The following FAM193B variants were observed in gnomAD, a reference collection of about 807,000 sequenced individuals.
FAM193B encodes protein FAM193B.
A neutral mutation model predicts 70.7 loss-of-function variants in FAM193B; 27 were observed. The observed-to-expected ratio is 0.38, with a 90% CI of 0.28 to 0.53. The LOEUF (loss-of-function observed/expected upper bound fraction) is 0.53. FAM193B is among the 20% of genes least tolerant of loss of function. The pLI, the probability that FAM193B is intolerant of heterozygous loss-of-function variation, is 0.81. For synonymous variants in FAM193B, 448 were observed against 436.0 expected (o/e 1.03, Z -0.34); for missense variants, 1,022 against 1,072.5 (o/e 0.95, Z 0.66).
chr5:177,543,442 T>C (rs2127481775), intron 1 of FAM193B, among the ~76,000 whole-genome samples: 1 of 152,364 alleles, frequency 6.6e-6, no homozygotes, highest in South Asian at 2.1e-4. Context: ...CATTGAAGAC[T>C]AGTTTATCCA....
At chr5:177,535,664 G>T (rs942553424) in intron 4 of FAM193B, among the ~76,000 whole-genome samples, 2 of 152,206 alleles carry the variant, frequency 1.3e-5, no homozygotes, top group Admixed American at 6.5e-5. Flanking sequence ...GAGCTATACA[G>T]TAAGACATTA....
chr5:177,546,515 A>G (rs1765443133), intron 1 of FAM193B, among the ~76,000 whole-genome samples: 1 of 152,250 alleles, frequency 6.6e-6, no homozygotes, highest in Non-Finnish European at 1.5e-5. Flanking sequence ...AAACAGAGCC[A>G]AAACAGTGCA....
At chr5:177,536,314 AGTTCAAGT>A in intron 4 of FAM193B, 36 bp downstream of exon 4, 2 of 1,589,452 alleles carry the variant, frequency 1.3e-6, no homozygotes, top group Non-Finnish European at 1.7e-6. Context: ...CAAAATTCTA[AGTTCAAGT>A]GGGTAGCGAG....
chr5:177,554,105 G>C, intron 1 of FAM193B, 144 bp downstream of exon 1: 1 of 1,399,210 alleles, frequency 7.1e-7, no homozygotes, highest in South Asian at 1.4e-5. Context: ...CGCCCCGGGG[G>C]AGAAAGCTTC....
chr5:177,552,921 TA>T lies in FAM193B; in HGVS notation c.210+1327del, dbSNP rs1173368455. 2.0e-5 allele frequency among the ~76,000 whole-genome samples: 3 copies of T among 152,356 alleles called. No individual in the cohort carries two copies. The South Asian group carries it at 6.2e-4, about 32-fold the overall frequency. On this transcript the variant is annotated intron_variant, in intron 1 of 8. Transcript: ENST00000514747. Reference sequence around the variant, plus strand: ...TCTCTCTCATTCACCTAGTTATTTTTATTCTGTGTTAGCAAGGCCCTGGGCG... The same window carrying T: ...TCTCTCTCATTCACCTAGTTATTTTTTTCTGTGTTAGCAAGGCCCTGGGCG...
At chr5:177,539,189 G>A in intron 1 of FAM193B, 42 bp from the exon 2 acceptor site, 1 of 1,502,182 alleles carries the variant, frequency 6.7e-7, no homozygotes, top group Non-Finnish European at 8.9e-7. Context: ...GAGGGGAAAG[G>A]CTCTCCTTCA....
chr5:177,521,767 C>A (rs957718654), intron 8 of FAM193B, among the ~76,000 whole-genome samples: 1 of 152,212 alleles, frequency 6.6e-6, no homozygotes, highest in Admixed American at 6.5e-5. Flanking sequence ...CAGAGGCCTA[C>A]AGGTGAGTGG....
chr5:177,554,259 G>A lies in FAM193B; in HGVS notation c.200C>T (p.Pro67Leu), dbSNP rs1419713985. The stretch of plus-strand genomic sequence containing the variant: ...CCCGCTCGCTCCTACCTGCGGGCCG[G>A]GCACCAGGTTGGGTTCGTCATCCTC... ...PREDDEPNLV[P>L]GPQVPPASSQ... The change falls in exon 1 of 9, where the codon CCC becomes CTC. Residue 67 changes from proline to leucine, a missense_variant. Coordinates refer to ENST00000514747, the MANE Select transcript of FAM193B (RefSeq NM_001190946.3). 1 of 1,479,974 alleles carries A rather than the reference G, an allele frequency of 6.8e-7. No individual in the cohort carries two copies. Among genetic ancestry groups the A allele is most frequent in the South Asian group, 1.3e-5 (1 of 78,610 alleles). 91.7% of individuals were successfully genotyped at this position (1,479,974 alleles called of 1,614,324 possible).
chr5:177,523,479 T>C (rs1762092490), intron 7 of FAM193B, among the ~76,000 whole-genome samples: 1 of 152,220 alleles, frequency 6.6e-6, no homozygotes, highest in Admixed American at 6.5e-5. Flanking sequence ...TTTCATCTTA[T>C]CTGGCCAACT....
chr5:177,526,728 G>C (rs998786212), intron 5 of FAM193B, among the ~76,000 whole-genome samples: 3 of 152,146 alleles, frequency 2.0e-5, no homozygotes, highest in African/African-American at 7.2e-5. Context: ...GAGAAACCTC[G>C]ACTTTGGAAA....
intron 4 of FAM193B, among the ~76,000 whole-genome samples, chr5:177,535,742 TTAC>T (rs1266564753): frequency 3.3e-5 from 5 of 152,184 alleles, no homozygotes; most frequent in Non-Finnish European, 7.3e-5. Context: ...TGTTAAAAAA[TTAC>T]TACTACACGA....
chr5:177,528,271 G>A (rs1456810274), intron 5 of FAM193B, among the ~76,000 whole-genome samples: 1 of 152,226 alleles, frequency 6.6e-6, no homozygotes, highest in Non-Finnish European at 1.5e-5. Context: ...AAAGTCACCG[G>A]TGACTCTGGA....
intron 3 of FAM193B, 146 bp from the exon 4 acceptor site, chr5:177,536,891 C>T (rs780045170): frequency 1.7e-6 from 2 of 1,145,446 alleles, no homozygotes; most frequent in Non-Finnish European, 2.4e-6. Flanking sequence ...GCAGAAGATT[C>T]TGTGTGGGCA....
intron 1 of FAM193B, among the ~76,000 whole-genome samples, chr5:177,546,047 A>G (rs1765388102): frequency 1.3e-5 from 2 of 152,226 alleles, no homozygotes; most frequent in South Asian, 4.1e-4. Context: ...AGAAGCAGAG[A>G]AAATGATTAA....
intron 1 of FAM193B, among the ~76,000 whole-genome samples, chr5:177,539,813 C>G (rs1764629807): frequency 6.6e-6 from 1 of 152,170 alleles, no homozygotes; most frequent in African/African-American, 2.4e-5. Flanking sequence ...TAATTCCTGC[C>G]TGAACACATA....
At chr5:177,526,139 T>C (rs1277558055) in intron 5 of FAM193B, among the ~76,000 whole-genome samples, 3 of 152,184 alleles carry the variant, frequency 2.0e-5, no homozygotes, top group Non-Finnish European at 4.4e-5. Context: ...TCGGAGTCAA[T>C]GTACAGAGGG....
intron 1 of FAM193B, among the ~76,000 whole-genome samples, chr5:177,549,601 A>G (rs1017033483): frequency 5.9e-5 from 9 of 152,368 alleles, no homozygotes; most frequent in Admixed American, 1.3e-4. Flanking sequence ...AGCCGATGCT[A>G]TATCTCCTTC....
chr5:177,553,618 C>T (rs1766596394), intron 1 of FAM193B: 1 of 1,223,380 alleles, frequency 8.2e-7, no homozygotes, highest in Non-Finnish European at 1.0e-6. Context: ...ATCTCAAGGT[C>T]GGGGTGGGCT....
chr5:177,535,170 T>G (rs1376780214), intron 4 of FAM193B, among the ~76,000 whole-genome samples: 2 of 152,246 alleles, frequency 1.3e-5, no homozygotes, highest in African/African-American at 4.8e-5. Flanking sequence ...AGAGACACTG[T>G]TGGTAATGTT....
Sources: allele counts gnomAD v4.1 joint callset (sites outside exome capture counted in the v4.1 genomes callset), GRCh38; gene constraint gnomAD v4.1.1; transcripts MANE v1.5; gene names NCBI Gene and HGNC (gene_info 2026-07-23, HGNC 2026-07-21).